TP53BP2: variants seen among roughly 807,000 people sequenced by gnomAD.
TP53BP2 encodes the protein apoptosis-stimulating of p53 protein 2.
A neutral mutation model predicts 126.2 loss-of-function variants in TP53BP2; 62 were observed. The observed-to-expected ratio is 0.49, with a 90% CI of 0.40 to 0.61. The LOEUF is 0.61. Among genes scored for constraint, TP53BP2 ranks in the 20% least tolerant of loss-of-function variants. The pLI, the probability that TP53BP2 is intolerant of heterozygous loss-of-function variation, is 0.00. For synonymous variants in TP53BP2, 485 were observed against 502.9 expected (o/e 0.96, Z 0.48); for missense variants, 1,215 against 1,402.8 (o/e 0.87, Z 2.14).
chr1:223,831,480 A>AAAAAAATAT (rs1287271743), intron 1 of TP53BP2, among the ~76,000 whole-genome samples: 13 of 32,450 alleles, frequency 4.0e-4, no homozygotes, highest in Non-Finnish European at 7.2e-4. Context: ...AAAAAAAAAA[A>AAAAAAATAT]ATATATATAT....
At chr1:223,808,097 T>A (rs141928875) in intron 4 of TP53BP2, among the ~76,000 whole-genome samples, 9 of 152,120 alleles carry the variant, frequency 5.9e-5, no homozygotes, top group Non-Finnish European at 1.3e-4. Flanking sequence ...TCAAACAGAA[T>A]AGAGAGTACA....
rs567482235 is a variant in TP53BP2, at chr1:223,821,499, C to T, written c.28-132G>A. On this transcript the variant is annotated intron_variant, in intron 1 of 17. Coordinates refer to ENST00000343537, the MANE Select transcript of TP53BP2 (RefSeq NM_001031685.3). ...ACAACAGAACAGTCTGGCTGTCACC[C>T]GGCCAAAGGTGAGGTGTGGACTGGG... 18 of 1,252,152 alleles carry T rather than the reference C, an allele frequency of 1.4e-5. No individual in the cohort carries two copies. In the East Asian group the frequency reaches 2.6e-4, roughly 18 times the overall value. The allele number at this position is 1,252,152 out of a possible 1,614,324, so 77.6% of individuals were successfully genotyped here.
chr1:223,819,975 C>CT (rs1295493261), intron 2 of TP53BP2, among the ~76,000 whole-genome samples: 3 of 152,170 alleles, frequency 2.0e-5, no homozygotes, highest in Admixed American at 6.5e-5. Flanking sequence ...AACTAATAAA[C>CT]ACACACAAAG....
chr1:223,835,550 A>G (rs1273342289), intron 1 of TP53BP2, among the ~76,000 whole-genome samples: 1 of 152,146 alleles, frequency 6.6e-6, no homozygotes, highest in African/African-American at 2.4e-5. Context: ...TTTACTCACT[A>G]AGCACTACAT....
At chr1:223,788,978 T>C in intron 16 of TP53BP2, 30 bp downstream of exon 16, 2 of 1,603,636 alleles carry the variant, frequency 1.2e-6, no homozygotes, top group Non-Finnish European at 1.7e-6. Context: ...AATGCAGTAA[T>C]CAATACATTT....
chr1:223,821,890 T>C (rs1380774456), intron 1 of TP53BP2, among the ~76,000 whole-genome samples: 1 of 146,328 alleles, frequency 6.8e-6, no homozygotes, highest in Non-Finnish European at 1.5e-5. Flanking sequence ...ATTCAAAAAA[T>C]TGTACTTTTT....
intron 1 of TP53BP2, among the ~76,000 whole-genome samples, chr1:223,837,077 C>G (rs1663944653): frequency 7.0e-6 from 1 of 143,066 alleles, no homozygotes; most frequent in Non-Finnish European, 1.5e-5. Flanking sequence ...AAAGTTAACT[C>G]AGACTTGATT....
intron 17 of TP53BP2, among the ~76,000 whole-genome samples, chr1:223,783,174 G>A (rs1401190387): frequency 6.6e-6 from 1 of 152,208 alleles, no homozygotes; most frequent in Non-Finnish European, 1.5e-5. Flanking sequence ...AAAAGACCAA[G>A]AATACATCTA....
chr1:223,801,949 G>T (rs1192251414), intron 9 of TP53BP2, 167 bp downstream of exon 9: 4 of 578,524 alleles, frequency 6.9e-6, no homozygotes, highest in Non-Finnish European at 8.8e-6. Context: ...TACAACCAGG[G>T]TATCAATTTT....
intron 1 of TP53BP2, among the ~76,000 whole-genome samples, chr1:223,822,203 T>C (rs1663336760): frequency 2.7e-5 from 4 of 149,436 alleles, no homozygotes; most frequent in Admixed American, 6.6e-5. Context: ...CGTGAGCCAC[T>C]GCGCCCGGCC....
At position 223,807,086 on chromosome 1, in the gene TP53BP2, T is replaced by C. The variant is rs1571855243; in HGVS notation, c.373-139A>G. The C allele has an allele frequency of 2.9e-5, 17 of 581,576 alleles. 1 individual carries two copies. The South Asian group carries it at 3.9e-4, about 13-fold the overall frequency. The allele number at this position is 581,576 out of a possible 1,614,324, so 36.0% of individuals were successfully genotyped here. On this transcript the variant is annotated intron_variant, in intron 4 of 17. Transcript: ENST00000343537. ...ATTTAGCGATTTTTCTTTCATAATA[T>C]CAAGCAGACCATTAATTCTTATATT...
intron 1 of TP53BP2, among the ~76,000 whole-genome samples, chr1:223,842,034 A>G (rs1472436297): frequency 6.6e-6 from 1 of 151,468 alleles, no homozygotes; most frequent in Non-Finnish European, 1.5e-5. Flanking sequence ...CTCCGCCTCT[A>G]GGGTTCAAGA....
intron 17 of TP53BP2, 52 bp from the exon 18 acceptor site, chr1:223,780,946 T>C: frequency 1.3e-6 from 2 of 1,534,612 alleles, no homozygotes; most frequent in Non-Finnish European, 1.8e-6. Flanking sequence ...TGTGGGAATA[T>C]AACAAAATTT....
intron 15 of TP53BP2, 83 bp downstream of exon 15, chr1:223,792,306 T>G: frequency 6.8e-7 from 1 of 1,463,944 alleles, no homozygotes; most frequent in South Asian, 1.3e-5. Context: ...CATACTTCTT[T>G]GTCTTCCAAC....
chr1:223,843,491 T>A (rs1664171992), intron 1 of TP53BP2, among the ~76,000 whole-genome samples: 1 of 152,190 alleles, frequency 6.6e-6, no homozygotes, highest in African/African-American at 2.4e-5. Flanking sequence ...TTTAATATAA[T>A]GCAGTCTAAA....
In TP53BP2 at chr1:223,780,745, C is replaced by G; in HGVS notation, c.*108G>C. ...AGAGACATTCTTCATCGCTTTCAAG[C>G]TACATTGTCATTAAAATAAGTCTTG... On this transcript the variant is annotated 3_prime_UTR_variant, in exon 18 of 18. Coordinates refer to ENST00000343537, the MANE Select transcript of TP53BP2 (RefSeq NM_001031685.3). The G allele has an allele frequency of 1.9e-6, 2 of 1,034,400 alleles. No individual in the cohort carries two copies. The highest frequency in any genetic ancestry group is 2.9e-6 in the Non-Finnish European group (2 of 686,146). 64.1% of individuals were successfully genotyped at this position (1,034,400 alleles called of 1,614,324 possible).
chr1:223,839,616 G>A (rs1664040165), intron 1 of TP53BP2, among the ~76,000 whole-genome samples: 2 of 152,158 alleles, frequency 1.3e-5, no homozygotes, highest in African/African-American at 4.8e-5. Context: ...GTAGTATTAA[G>A]TTATAAATCT....
chr1:223,843,778 G>C (rs1421025371), intron 1 of TP53BP2, among the ~76,000 whole-genome samples: 1 of 152,104 alleles, frequency 6.6e-6, no homozygotes, highest in Non-Finnish European at 1.5e-5. Flanking sequence ...AAAAGCCAAA[G>C]ATGAGAAATA....
At chr1:223,832,272 A>G (rs932883210) in intron 1 of TP53BP2, among the ~76,000 whole-genome samples, 4 of 152,192 alleles carry the variant, frequency 2.6e-5, no homozygotes, top group African/African-American at 9.7e-5. Flanking sequence ...GAAACAGAAA[A>G]TTATGAAATG....
Sources: allele counts gnomAD v4.1 joint callset (sites outside exome capture counted in the v4.1 genomes callset), GRCh38; gene constraint gnomAD v4.1.1; transcripts MANE v1.5; gene names NCBI Gene and HGNC (gene_info 2026-07-23, HGNC 2026-07-21).